The following UGT1A8 variants were observed in gnomAD, a reference collection of about 807,000 sequenced individuals.
UGT1A8 encodes the protein UDP-glucuronosyltransferase 1A8.
Under a neutral mutation model 45.3 loss-of-function variants are expected in UGT1A8, and 39 were observed. The observed-to-expected ratio is 0.86, with a 90% CI of 0.67 to 1.12. The LOEUF is 1.12. Ranked by LOEUF, UGT1A8 falls within the 50% of genes most tolerant of loss-of-function variation. The pLI is 0.00. For synonymous variants in UGT1A8, 275 were observed against 249.2 expected (o/e 1.10, Z -0.97); for missense variants, 719 against 664.9 (o/e 1.08, Z -0.90).
intron 1 of UGT1A8, among the ~76,000 whole-genome samples, chr2:233,738,023 C>T (rs1271674048): frequency 2.6e-5 from 4 of 151,816 alleles, no homozygotes. Context: ...AATTGTAATC[C>T]CCATAATCCC....
intron 1 of UGT1A8, chr2:233,742,861 T>TAG (rs1692120681): frequency 6.2e-6 from 1 of 162,394 alleles, no homozygotes; most frequent in Admixed American, 5.8e-5. Context: ...TCAAATGATT[T>TAG]AGAGCAAACC....
At chr2:233,639,891 C>T (rs2073404870) in intron 1 of UGT1A8, among the ~76,000 whole-genome samples, 1 of 152,166 alleles carries the variant, frequency 6.6e-6, no homozygotes, top group Non-Finnish European at 1.5e-5. Context: ...TTCAGCAGAA[C>T]ATTGAAATAG....
intron 1 of UGT1A8, among the ~76,000 whole-genome samples, chr2:233,704,622 G>T (rs1418353770): frequency 6.6e-6 from 1 of 152,090 alleles, no homozygotes; most frequent in Non-Finnish European, 1.5e-5. Context: ...TATAGAGTTT[G>T]TTATATTAAC....
intron 1 of UGT1A8, chr2:233,672,174 A>G (rs773426393): frequency 6.2e-7 from 1 of 1,614,210 alleles, no homozygotes; most frequent in Admixed American, 1.7e-5. Context: ...ATTCAACTTC[A>G]TATACCCTGG....
At chr2:233,662,513 T>G (rs1221156981) in intron 1 of UGT1A8, among the ~76,000 whole-genome samples, 1 of 152,250 alleles carries the variant, frequency 6.6e-6, no homozygotes, top group Non-Finnish European at 1.5e-5. Context: ...CTAAACTTAC[T>G]TATTTGTTCT....
chr2:233,729,914 T>C (rs774517230), intron 1 of UGT1A8: 73 of 1,613,908 alleles, frequency 4.5e-5, no homozygotes, highest in Non-Finnish European at 5.8e-5. Context: ...GACTTTGTGA[T>C]GGACTACCCC....
At chr2:233,751,930 T>G (rs1477221297) in intron 1 of UGT1A8, among the ~76,000 whole-genome samples, 5 of 152,152 alleles carry the variant, frequency 3.3e-5, no homozygotes, top group African/African-American at 7.2e-5. Context: ...TGGTGGTGAT[T>G]GAAGTTATAC....
At chr2:233,704,805 T>C (rs1020612580) in intron 1 of UGT1A8, among the ~76,000 whole-genome samples, 12 of 152,136 alleles carry the variant, frequency 7.9e-5, no homozygotes, top group African/African-American at 2.2e-4. Flanking sequence ...ATTATATATA[T>C]GTATATTGCT....
At chr2:233,682,075 G>A (rs1454288387) in intron 1 of UGT1A8, 3 of 1,614,128 alleles carry the variant, frequency 1.9e-6, no homozygotes, top group East Asian at 4.5e-5. Context: ...CGGTGGTGGA[G>A]AAACTCATCC....
intron 1 of UGT1A8, among the ~76,000 whole-genome samples, chr2:233,756,653 T>C (rs1696281522): frequency 6.6e-6 from 1 of 152,220 alleles, no homozygotes; most frequent in South Asian, 2.1e-4. Flanking sequence ...AAACATGGGA[T>C]GCAGTGATTA....
intron 1 of UGT1A8, chr2:233,713,922 A>G (rs1251047267): frequency 1.2e-6 from 2 of 1,612,068 alleles, no homozygotes; most frequent in Non-Finnish European, 1.7e-6. Flanking sequence ...AAATGTATTT[A>G]CTTACAAGTG....
intron 1 of UGT1A8, among the ~76,000 whole-genome samples, chr2:233,758,743 G>T (rs1250346162): frequency 6.6e-6 from 1 of 152,162 alleles, no homozygotes; most frequent in East Asian, 1.9e-4. Context: ...CCCAAGTATG[G>T]CTGGCCAGTG....
intron 1 of UGT1A8, among the ~76,000 whole-genome samples, chr2:233,764,036 G>A (rs905956037): frequency 6.6e-6 from 1 of 152,136 alleles, no homozygotes; most frequent in South Asian, 2.1e-4. Flanking sequence ...TGCTAAAGAA[G>A]AATTCTGGGA....
At chr2:233,753,441 T>A (rs1695206490) in intron 1 of UGT1A8, 2 of 152,230 alleles carry the variant, frequency 1.3e-5, no homozygotes, top group African/African-American at 4.8e-5. Flanking sequence ...GTTAATGATG[T>A]GTTCAGGCCA....
chr2:233,690,029 C>A, intron 1 of UGT1A8: 1 of 430,514 alleles, frequency 2.3e-6, no homozygotes, highest in Non-Finnish European at 4.6e-6. Flanking sequence ...TCCTCAAGAT[C>A]TGGGCCCAGA....
At chr2:233,758,199 G>A (rs1696818445) in intron 1 of UGT1A8, among the ~76,000 whole-genome samples, 1 of 152,212 alleles carries the variant, frequency 6.6e-6, no homozygotes, top group African/African-American at 2.4e-5. Context: ...TTGCTTAGTA[G>A]TGGTTCTCTG....
At chr2:233,679,731 T>G (rs1382822795) in intron 1 of UGT1A8, among the ~76,000 whole-genome samples, 1 of 152,152 alleles carries the variant, frequency 6.6e-6, no homozygotes, top group Non-Finnish European at 1.5e-5. Flanking sequence ...AAGCCAAACC[T>G]CTTTGTAAAA....
chr2:233,617,890 G>A lies in UGT1A8; in HGVS notation c.183G>A (p.Glu61=). ...ATGAGGTGGTTGTAGTCATGCCAGA[G>A]GTGAGTTGGCAACTGGGAAAATCAC... ...RGHEVVVVMP[E]VSWQLGKSLN... Residue 61 remains glutamate (E), a synonymous_variant, in exon 1 of 5, where the codon GAG becomes GAA. Coordinates refer to ENST00000373450, the MANE Select transcript of UGT1A8 (RefSeq NM_019076.5). 1 of 1,614,140 alleles carries A rather than the reference G, an allele frequency of 6.2e-7. No homozygotes were observed. The highest frequency in any genetic ancestry group is 8.5e-7 in the Non-Finnish European group (1 of 1,180,028).
At chr2:233,699,301 G>A (rs1359484786) in intron 1 of UGT1A8, among the ~76,000 whole-genome samples, 1 of 152,060 alleles carries the variant, frequency 6.6e-6, no homozygotes, top group African/African-American at 2.4e-5. Flanking sequence ...ACACTCTTAT[G>A]CTGTCCTTTT....
Sources: gnomAD v4.1 joint callset for allele counts (sites outside exome capture counted in the v4.1 genomes callset) on GRCh38, gnomAD v4.1.1 for gene constraint, MANE v1.5 for transcripts, NCBI Gene and HGNC (gene_info 2026-07-23, HGNC 2026-07-21) for gene names.